The following EYA1 variants were observed in gnomAD, a reference collection of about 807,000 sequenced individuals.
EYA1 encodes protein phosphatase EYA1.
In EYA1, 16 loss-of-function variants were observed where a neutral mutation model predicts 82.0. That is an observed-to-expected ratio of 0.20 (90% CI 0.13 to 0.30). The LOEUF is 0.30. Among genes scored for constraint, EYA1 ranks in the 10% least tolerant of loss-of-function variants. EYA1 has a pLI of 1.00. For missense variants in EYA1, 633 were observed against 730.7 expected (o/e 0.87, Z 1.54); for synonymous variants, 261 against 264.4 (o/e 0.99, Z 0.12).
At chr8:71,291,295 C>T (rs1273137525) in intron 9 of EYA1, among the ~76,000 whole-genome samples, 1 of 152,182 alleles carries the variant, frequency 6.6e-6, no homozygotes, top group Non-Finnish European at 1.5e-5. Context: ...CTTTTTCAGG[C>T]GCTTTGCTCT....
intron 2 of EYA1, among the ~76,000 whole-genome samples, chr8:71,525,882 T>C (rs752943677): frequency 6.6e-6 from 1 of 152,204 alleles, no homozygotes; most frequent in Middle Eastern, 3.2e-3. Flanking sequence ...ATTGTACTTA[T>C]TCACTCATTC....
intron 3 of EYA1, among the ~76,000 whole-genome samples, chr8:71,346,446 A>ATATC (rs1554561603): frequency 1.1e-4 from 15 of 135,756 alleles, no homozygotes; most frequent in Admixed American, 7.5e-4. Context: ...ATATATATAT[A>ATATC]TATATATATC....
chr8:71,466,992 A>G (rs188274682), intron 2 of EYA1, among the ~76,000 whole-genome samples: 286 of 152,194 alleles, frequency 1.9e-3, no homozygotes, highest in Admixed American at 0.011. Context: ...TATTTCCATC[A>G]TCAGATGAAA....
chr8:71,341,817 C>G (rs1369130117), intron 3 of EYA1, among the ~76,000 whole-genome samples: 1 of 152,148 alleles, frequency 6.6e-6, no homozygotes, highest in Non-Finnish European at 1.5e-5. Context: ...CACATCCAGA[C>G]TAAACTTGAA....
rs775347972 is a variant in EYA1 at position 71,299,082 on chromosome 8, C to A, written c.791G>T (p.Gly264Val). 21 of 1,613,882 alleles carry A rather than the reference C, an allele frequency of 1.3e-5. 1 individual carries two copies. The South Asian group carries it at 2.1e-4, about 16-fold the overall frequency. The change falls in exon 9 of 18, where the codon GGC (glycine) becomes GTC (valine). Residue 264 changes from glycine (G) to valine (V), a missense_variant. By Grantham distance (109) the Gly-to-Val change is moderately radical. Transcript: ENST00000340726. ...ATYQLQEPPS[G>V]ITSQAVTDPT... ...ATCTGTAACTGCTTGGCTGGTGATGCCAGATGGCGGTTCTTGAAGCTGGTA... is the reference window on the plus strand; with the variant it reads ...ATCTGTAACTGCTTGGCTGGTGATGACAGATGGCGGTTCTTGAAGCTGGTA...
intron 9 of EYA1, among the ~76,000 whole-genome samples, chr8:71,287,259 G>T (rs1403377990): frequency 5.3e-5 from 8 of 152,110 alleles, no homozygotes; most frequent in African/African-American, 1.9e-4. Flanking sequence ...TTCAGTCATA[G>T]AAATCTCCCA....
chr8:71,359,290 T>C (rs919599124), intron 1 of EYA1, among the ~76,000 whole-genome samples: 2 of 152,168 alleles, frequency 1.3e-5, no homozygotes, highest in Non-Finnish European at 2.9e-5. Context: ...GATATTCAAT[T>C]TGTCTCTCTC....
At chr8:71,430,533 T>C (rs1441234201) in intron 2 of EYA1, among the ~76,000 whole-genome samples, 1 of 152,228 alleles carries the variant, frequency 6.6e-6, no homozygotes, top group Non-Finnish European at 1.5e-5. Context: ...TTGGAAGTCA[T>C]GAATTGATCA....
At chr8:71,471,009 A>G (rs1308364416) in intron 2 of EYA1, 2 of 417,418 alleles carry the variant, frequency 4.8e-6, no homozygotes, top group African/African-American at 4.2e-5. Flanking sequence ...ATCTTTAAAA[A>G]ATTTATTGCT....
At chr8:71,220,245 C>A (rs4738119) in intron 12 of EYA1, among the ~76,000 whole-genome samples, 91,678 of 152,088 alleles carry the variant, frequency 0.6, 28,728 homozygotes, top group East Asian at 0.89. Flanking sequence ...CGTGCTGAAA[C>A]TGTACTTTTG....
intron 12 of EYA1, among the ~76,000 whole-genome samples, chr8:71,236,906 T>A (rs893947617): frequency 6.6e-6 from 1 of 152,206 alleles, no homozygotes; most frequent in Non-Finnish European, 1.5e-5. Context: ...GAATACATAT[T>A]ATGAAACTGC....
chr8:71,312,172 T>C (rs925398273), intron 7 of EYA1, among the ~76,000 whole-genome samples: 8 of 152,244 alleles, frequency 5.3e-5, no homozygotes, highest in African/African-American at 1.4e-4. Context: ...ACTAGTTATA[T>C]AACTAAGTAT....
At chr8:71,284,282 C>T (rs1542159) in intron 9 of EYA1, among the ~76,000 whole-genome samples, 7,496 of 152,312 alleles carry the variant, frequency 0.049, 233 homozygotes, top group Middle Eastern at 0.078. Flanking sequence ...TTTCCTTTCA[C>T]TCTTTGGGAA....
In EYA1 at chr8:71,377,528, C is replaced by T. The variant is rs554149745; in HGVS notation, c.34-21017G>A. The stretch of plus-strand genomic sequence containing the variant: ...CAAGGATATTATCAAAACCAATGGA[C>T]ACATTTCTGCCTTTATCTTAATTGT... On this transcript the variant is annotated intron_variant, in intron 2 of 18. Coordinates refer to the EYA1 transcript ENST00000643681. Among the ~76,000 whole-genome samples the T allele has an allele frequency of 9.2e-5, 14 of 152,286 alleles. No homozygotes were observed. The South Asian group carries it at 2.9e-3, about 32-fold the overall frequency.
At chr8:71,310,430 CA>C (rs1821209525) in intron 7 of EYA1, among the ~76,000 whole-genome samples, 1 of 152,146 alleles carries the variant, frequency 6.6e-6, no homozygotes, top group Non-Finnish European at 1.5e-5. Flanking sequence ...CGTTCTCTGA[CA>C]GGTCCCAGTG....
chr8:71,252,480 T>C (rs908061875), intron 11 of EYA1, among the ~76,000 whole-genome samples: 14 of 152,240 alleles, frequency 9.2e-5, no homozygotes, highest in Admixed American at 3.9e-4. Flanking sequence ...AGAATGTTCA[T>C]ACAATTCCTC....
At chr8:71,347,170 G>A (rs1344885197) in intron 3 of EYA1, among the ~76,000 whole-genome samples, 1 of 152,162 alleles carries the variant, frequency 6.6e-6, no homozygotes, top group South Asian at 2.1e-4. Flanking sequence ...GGGAGTCCAT[G>A]TTTTAAAGTG....
At chr8:71,528,471 T>G (rs1460697091) in intron 2 of EYA1, among the ~76,000 whole-genome samples, 3 of 152,204 alleles carry the variant, frequency 2.0e-5, no homozygotes, top group Non-Finnish European at 4.4e-5. Flanking sequence ...AACTTTGACG[T>G]CCAGTCTTTT....
At chr8:71,200,859 A>C (rs1009002138) in intron 17 of EYA1, among the ~76,000 whole-genome samples, 3 of 151,668 alleles carry the variant, frequency 2.0e-5, no homozygotes, top group African/African-American at 7.3e-5. Flanking sequence ...TGATAGCTGA[A>C]CTAGTTATGA....
Sources: allele counts gnomAD v4.1 joint callset (sites outside exome capture counted in the v4.1 genomes callset), GRCh38; gene constraint gnomAD v4.1.1; transcripts MANE v1.5; gene names NCBI Gene and HGNC (gene_info 2026-07-23, HGNC 2026-07-21).